The following MAP3K5 variants were observed in gnomAD, a reference collection of about 807,000 sequenced individuals.
MAP3K5 encodes mitogen-activated protein kinase kinase kinase 5.
Under a neutral mutation model 158.7 loss-of-function variants are expected in MAP3K5, and 56 were observed. That is an observed-to-expected ratio of 0.35 (90% confidence interval 0.28 to 0.44). MAP3K5 has a LOEUF of 0.44. Among genes scored for constraint, MAP3K5 ranks in the 20% least tolerant of loss-of-function variants. MAP3K5 has a pLI of 1.00. For missense variants in MAP3K5, 1,294 were observed against 1,674.8 expected, an observed-to-expected ratio of 0.77 and a Z score of 3.97; for synonymous variants, 579 against 601.7, an observed-to-expected ratio of 0.96 and a Z score of 0.55.
rs1357306398 is a variant in MAP3K5, at chr6:136,791,765, A to G, written c.393T>C (p.His131=). The G allele has an allele frequency of 1.2e-6, 2 of 1,613,356 alleles. No individual in the cohort carries two copies. Among genetic ancestry groups the G allele is most frequent in the Admixed American group, 1.7e-5 (1 of 60,014 alleles). Residue 131 remains histidine (H), a synonymous_variant, in exon 1 of 30, where the codon CAT becomes CAC. Transcript: ENST00000359015. ...TTTCTCCAAAGTCGAGTTTCCCAAA[A>G]TGCAGGGTTTCCAGGGTGGCGCCCA... is the stretch of plus-strand genomic sequence containing the variant. ...ETVGATLETL[H]FGKLDFGETT...
At chr6:136,594,623 C>G (rs6926904) in intron 21 of MAP3K5, among the ~76,000 whole-genome samples, 7,784 of 152,256 alleles carry the variant, frequency 0.051, 677 homozygotes, top group African/African-American at 0.18. Flanking sequence ...GCTGATCCTT[C>G]AGACTTGGTG....
intron 10 of MAP3K5, among the ~76,000 whole-genome samples, chr6:136,651,586 T>C (rs1778521039): frequency 6.6e-6 from 1 of 152,192 alleles, no homozygotes. Context: ...GAAATGGTTT[T>C]GGTTATTCCT....
intron 21 of MAP3K5, among the ~76,000 whole-genome samples, chr6:136,600,355 C>T (rs1364199379): frequency 6.6e-6 from 1 of 151,856 alleles, no homozygotes; most frequent in Non-Finnish European, 1.5e-5. Flanking sequence ...CCGCACCCAG[C>T]TATTTTTCTG....
upstream of MAP3K5, chr6:136,792,577 T>A: frequency 5.9e-6 from 1 of 169,996 alleles, no homozygotes; most frequent in Non-Finnish European, 1.2e-5. This position sits in a 1 kb window ranked among gnomAD's most constrained non-coding sequence, Gnocchi z 5.7. Context: ...CGCAGCTCCT[T>A]CCGTCCCGGC....
chr6:136,602,074 A>C, intron 19 of MAP3K5, 95 bp from the exon 20 acceptor site: 1 of 915,202 alleles, frequency 1.1e-6, no homozygotes, highest in East Asian at 2.5e-5. Flanking sequence ...CAATGCAACA[A>C]GATCCCTTAT....
intron 21 of MAP3K5, among the ~76,000 whole-genome samples, chr6:136,599,090 G>A (rs1446546955): frequency 6.7e-6 from 1 of 149,266 alleles, no homozygotes; most frequent in Non-Finnish European, 1.5e-5. Flanking sequence ...AGGATCGCTT[G>A]AGCCTGGGAG....
chr6:136,568,976 C>T (rs1264004960), intron 25 of MAP3K5, among the ~76,000 whole-genome samples: 1 of 151,410 alleles, frequency 6.6e-6, no homozygotes, highest in Non-Finnish European at 1.5e-5. Context: ...CCAAAAAAAC[C>T]TGAAAAAACT....
At chr6:136,692,031 T>C (rs1780409478) in intron 7 of MAP3K5, among the ~76,000 whole-genome samples, 2 of 152,134 alleles carry the variant, frequency 1.3e-5, no homozygotes, top group Non-Finnish European at 2.9e-5. Flanking sequence ...TCCTATTTCT[T>C]CACCACTTTA....
intron 1 of MAP3K5, among the ~76,000 whole-genome samples, chr6:136,730,163 T>TG (rs559036165): frequency 4.0e-3 from 539 of 133,858 alleles, no homozygotes; most frequent in Middle Eastern, 0.014. Flanking sequence ...GTTTTTTTTT[T>TG]TTTGTTTTTT....
At chr6:136,719,940 G>A (rs775070901) in intron 2 of MAP3K5, among the ~76,000 whole-genome samples, 30 of 152,168 alleles carry the variant, frequency 2.0e-4, no homozygotes, top group Non-Finnish European at 3.2e-4. Context: ...GAATGACATC[G>A]AGACAGGTTG....
At position 136,580,386 on chromosome 6, in the gene MAP3K5, A is replaced by T; in HGVS notation, c.3432T>A (p.Asn1144Lys). The change falls in exon 25 of 30, where the codon AAT (asparagine) becomes AAA (lysine). Residue 1144 changes from asparagine (N) to lysine (K), a missense_variant. Asn to Lys is a moderately conservative substitution (Grantham distance 94). Transcript: ENST00000359015. ...ACATCCAGTGCGGCTTGATGTTATG[A>T]TTCCGAAGAACTTTATTGACCTGGA... ...FQDAVNKVLR[N>K]HNIKPHWMFA... is the part of the protein sequence containing the mutation. The T allele has an allele frequency of 6.2e-7, 1 of 1,612,420 alleles. No homozygotes were observed. The highest frequency in any genetic ancestry group is 1.1e-5 in the South Asian group (1 of 91,022).
intron 14 of MAP3K5, 30 bp downstream of exon 14, chr6:136,637,295 C>T (rs761356059): frequency 7.8e-6 from 12 of 1,537,986 alleles, no homozygotes; most frequent in East Asian, 4.5e-5. Context: ...AAAATGAGCT[C>T]TAAATGTAAA....
chr6:136,561,641 A>G lies in MAP3K5; in HGVS notation c.3879T>C (p.Ile1293=), dbSNP rs781698490. Residue 1293 remains isoleucine, a synonymous_variant, in exon 28 of 30, where the codon ATT becomes ATC. Coordinates refer to ENST00000359015, the MANE Select transcript of MAP3K5 (RefSeq NM_005923.4). ...TTAGATGAAATACAGGCAATTCAGG[A>G]ATTTCTAGAACAGAATTTTGGGAAG... The part of the protein sequence containing the change: ...HLKLKSQPIE[I]PELPVFHLNS... The G allele has an allele frequency of 1.1e-4, 181 of 1,581,888 alleles. 1 individual carries two copies. The Middle Eastern group carries it at 1.2e-3, about 10-fold the overall frequency.
intron 19 of MAP3K5, among the ~76,000 whole-genome samples, chr6:136,602,890 G>C (rs1339197901): frequency 2.0e-5 from 3 of 152,046 alleles, no homozygotes; most frequent in Non-Finnish European, 4.4e-5. Flanking sequence ...CATTAAAAGA[G>C]ATATTTAAAA....
intron 15 of MAP3K5, among the ~76,000 whole-genome samples, chr6:136,620,659 T>C (rs1776758103): frequency 6.6e-6 from 1 of 152,178 alleles, no homozygotes; most frequent in Non-Finnish European, 1.5e-5. Context: ...TGGCCAAATA[T>C]GGATAATAAT....
chr6:136,584,533 A>C (rs1273058577), intron 23 of MAP3K5: 1 of 152,924 alleles, frequency 6.5e-6, no homozygotes, highest in Non-Finnish European at 1.5e-5. Flanking sequence ...GAAAGCATCA[A>C]ATCTTGTGAG....
chr6:136,725,313 C>T (rs941058602), intron 1 of MAP3K5, among the ~76,000 whole-genome samples: 2 of 152,176 alleles, frequency 1.3e-5, no homozygotes, highest in African/African-American at 2.4e-5. Context: ...TTTGCATTCC[C>T]GCCAGCAAAG....
chr6:136,756,736 T>C (rs1361063666), intron 1 of MAP3K5, among the ~76,000 whole-genome samples: 2 of 152,208 alleles, frequency 1.3e-5, no homozygotes, highest in South Asian at 2.1e-4. Context: ...CACAAGACAG[T>C]TTCCACAAAC....
chr6:136,714,744 T>C (rs1012148065), intron 2 of MAP3K5, among the ~76,000 whole-genome samples: 1 of 152,124 alleles, frequency 6.6e-6, no homozygotes, highest in African/African-American at 2.4e-5. Context: ...CTGGATCATG[T>C]GGTAATTTTA....
Sources: allele counts gnomAD v4.1 joint callset (sites outside exome capture counted in the v4.1 genomes callset), GRCh38; gene constraint gnomAD v4.1.1; non-coding constraint Gnocchi (gnomAD v3.1); transcripts MANE v1.5; gene names NCBI Gene and HGNC (gene_info 2026-07-23, HGNC 2026-07-21).